Variants in AFG1L observed in about 807,000 individuals in gnomAD.
AFG1L encodes AFG1 like ATPase.
AFG1L carries 53 observed loss-of-function variants against 62.2 expected under a neutral mutation model. That is an observed-to-expected ratio of 0.85 (90% CI 0.68 to 1.07). The LOEUF is 1.07. Ranked by LOEUF, AFG1L falls within the 50% of genes least tolerant of loss-of-function variation. The probability of loss-of-function intolerance (pLI) is 0.00; values close to 1 mark genes in which losing one functional copy is unlikely to be tolerated. For missense variants in AFG1L, 555 were observed against 590.5 expected (o/e 0.94, Z 0.62); for synonymous variants, 228 against 210.3 (o/e 1.08, Z -0.73).
chr6:108,478,645 T>C (rs1163983196), intron 10 of AFG1L, among the ~76,000 whole-genome samples: 1 of 152,174 alleles, frequency 6.6e-6, no homozygotes, highest in East Asian at 1.9e-4. Context: ...GTCTGACTTA[T>C]TTTGCAAGGA....
chr6:108,515,669 A>C (rs1451930713), intron 11 of AFG1L, among the ~76,000 whole-genome samples: 1 of 152,206 alleles, frequency 6.6e-6, no homozygotes, highest in East Asian at 1.9e-4. Context: ...ACGGAAGAAA[A>C]TAGAGACACA....
intron 12 of AFG1L, chr6:108,520,150 G>T (rs982460514): frequency 1.8e-5 from 4 of 216,558 alleles, no homozygotes; most frequent in African/African-American, 7.0e-5. Context: ...CCGGTTCTGG[G>T]CTTGCTCTGC....
chr6:108,426,247 C>T (rs1465717278), intron 7 of AFG1L, among the ~76,000 whole-genome samples: 1 of 151,586 alleles, frequency 6.6e-6, no homozygotes, highest in Non-Finnish European at 1.5e-5. Context: ...AAAAGTTATG[C>T]TTACCTATGA....
In AFG1L at chr6:108,323,741, GTTTGAA is replaced by G. The variant is rs1170029791; in HGVS notation, c.140-78_140-73del. 7.5e-6 allele frequency: 7 copies of G among 930,528 alleles called. No homozygotes were observed. The Admixed American group carries it at 1.6e-4, about 21-fold the overall frequency. The allele number at this position is 930,528 out of a possible 1,614,324, so 57.6% of individuals were successfully genotyped here. On this transcript the variant is annotated intron_variant, in intron 1 of 12. Transcript: ENST00000368977. ...TAGATATACTTGTAACTAGTTAAAA[GTTTGAA>G]TTTGACCCTTAAGAAATGTGTAGAG...
At chr6:108,346,841 A>T in intron 2 of AFG1L, 147 bp from the exon 3 acceptor site, 1 of 608,346 alleles carries the variant, frequency 1.6e-6, no homozygotes, top group Non-Finnish European at 2.9e-6. Flanking sequence ...TTTCAGCTTT[A>T]AACACTTTTA....
intron 1 of AFG1L, among the ~76,000 whole-genome samples, chr6:108,305,198 G>A (rs961488316): frequency 3.3e-5 from 5 of 152,292 alleles, no homozygotes; most frequent in African/African-American, 1.2e-4. Flanking sequence ...ATTCTGGAGA[G>A]GCTCATTATA....
intron 5 of AFG1L, chr6:108,359,604 C>T (rs945139265): frequency 4.6e-5 from 7 of 152,252 alleles, no homozygotes; most frequent in Non-Finnish European, 1.5e-5. Flanking sequence ...GCTAAATGGA[C>T]CATGCCTGGA....
intron 10 of AFG1L, among the ~76,000 whole-genome samples, chr6:108,488,030 G>A (rs1773636180): frequency 6.6e-6 from 1 of 152,212 alleles, no homozygotes; most frequent in African/African-American, 2.4e-5. Context: ...AACATGTCCA[G>A]TGGACCAGCA....
At chr6:108,361,562 G>T (rs1779530356) in intron 5 of AFG1L, among the ~76,000 whole-genome samples, 1 of 152,182 alleles carries the variant, frequency 6.6e-6, no homozygotes, top group Non-Finnish European at 1.5e-5. Context: ...TTCATTTAAA[G>T]TAAAGGAAGC....
At chr6:108,390,709 A>C (rs531937064) in intron 6 of AFG1L, among the ~76,000 whole-genome samples, 1 of 152,306 alleles carries the variant, frequency 6.6e-6, no homozygotes, top group South Asian at 2.1e-4. Context: ...ATGTTGCTGC[A>C]TGATCATTCC....
At chr6:108,425,174 G>C (rs1770758631) in intron 7 of AFG1L, among the ~76,000 whole-genome samples, 1 of 152,156 alleles carries the variant, frequency 6.6e-6, no homozygotes, top group Non-Finnish European at 1.5e-5. Context: ...GTTGTAACCA[G>C]AGGTTAAGAG....
intron 1 of AFG1L, among the ~76,000 whole-genome samples, chr6:108,307,894 G>C (rs1213954389): frequency 6.6e-6 from 1 of 152,002 alleles, no homozygotes; most frequent in Non-Finnish European, 1.5e-5. Context: ...ATCTCATTAT[G>C]ATTTTATTTT....
At chr6:108,458,509 C>T (rs549333975) in intron 8 of AFG1L, among the ~76,000 whole-genome samples, 3 of 152,032 alleles carry the variant, frequency 2.0e-5, no homozygotes, top group East Asian at 3.9e-4. Context: ...AAGGCAAAGT[C>T]TTGCTATGTT....
intron 1 of AFG1L, among the ~76,000 whole-genome samples, chr6:108,299,372 C>A (rs1461367839): frequency 2.0e-5 from 3 of 151,398 alleles, no homozygotes; most frequent in African/African-American, 7.3e-5. Flanking sequence ...GAAATAATGA[C>A]ATAATAAGTA....
chr6:108,517,399 G>A (rs895016195), intron 11 of AFG1L, among the ~76,000 whole-genome samples: 1 of 152,128 alleles, frequency 6.6e-6, no homozygotes, highest in African/African-American at 2.4e-5. Context: ...ACAAGAAATG[G>A]GGAAAGGATT....
chr6:108,382,530 A>G (rs1169528254), intron 6 of AFG1L, among the ~76,000 whole-genome samples: 2 of 152,322 alleles, frequency 1.3e-5, no homozygotes, highest in East Asian at 3.9e-4. Flanking sequence ...GGGGGAAAAA[A>G]TACAATGTTC....
intron 10 of AFG1L, among the ~76,000 whole-genome samples, chr6:108,508,320 A>G (rs1774502518): frequency 6.6e-6 from 1 of 151,456 alleles, no homozygotes; most frequent in Non-Finnish European, 1.5e-5. Flanking sequence ...ACCCCACCCC[A>G]CTCCCAGAAA....
intron 11 of AFG1L, among the ~76,000 whole-genome samples, chr6:108,512,093 C>T (rs535112303): frequency 1.3e-5 from 2 of 152,268 alleles, no homozygotes; most frequent in African/African-American, 4.8e-5. Context: ...ATCCAGATTC[C>T]AGAGCTCACC....
At chr6:108,316,821 C>T (rs1233648945) in intron 1 of AFG1L, among the ~76,000 whole-genome samples, 6 of 152,066 alleles carry the variant, frequency 3.9e-5, no homozygotes, top group Admixed American at 1.3e-4. Context: ...CATGAGCCAC[C>T]GCGCTCGGCC....
Sources: gnomAD v4.1 joint callset for allele counts (sites outside exome capture counted in the v4.1 genomes callset) on GRCh38, gnomAD v4.1.1 for gene constraint, MANE v1.5 for transcripts, NCBI Gene and HGNC (gene_info 2026-07-23, HGNC 2026-07-21) for gene names.